Variants in BRCC3 observed in about 807,000 individuals in gnomAD.
BRCC3 encodes the protein lys-63-specific deubiquitinase BRCC36.
In BRCC3, 15 loss-of-function variants were observed where a neutral mutation model predicts 28.0. That is an observed-to-expected ratio of 0.54 (90% CI 0.36 to 0.82). The LOEUF (loss-of-function observed/expected upper bound fraction) is 0.82, where lower values mean the gene tolerates loss of function less well. BRCC3 is among the 40% of genes least tolerant of loss of function. The pLI is 0.01. For synonymous variants in BRCC3, 66 were observed against 80.3 expected, an observed-to-expected ratio of 0.82 and a Z score of 0.95; for missense variants, 109 against 225.9, an observed-to-expected ratio of 0.48 and a Z score of 3.32.
intron 7 of BRCC3, among the ~76,000 whole-genome samples, chrX:155,092,438 T>C (rs1194345874): frequency 8.9e-6 from 1 of 112,079 alleles, no homozygotes; most frequent in African/African-American, 3.2e-5. Context: ...GCTTTGTCTA[T>C]GGTTGATTCT....
intron 5 of BRCC3, among the ~76,000 whole-genome samples, chrX:155,086,701 C>T (rs1382745356): frequency 8.9e-6 from 1 of 111,739 alleles, no homozygotes; most frequent in Admixed American, 9.4e-5. Context: ...ATTCAAAGCA[C>T]GCAGCCTCGT....
intron 7 of BRCC3, among the ~76,000 whole-genome samples, chrX:155,114,443 G>A (rs1320607103): frequency 9.0e-6 from 1 of 110,731 alleles, no homozygotes; most frequent in Non-Finnish European, 1.9e-5. Context: ...ACCAGGGGCC[G>A]GGAGAAGGGA....
intron 5 of BRCC3, among the ~76,000 whole-genome samples, chrX:155,081,053 G>A (rs1397008231): frequency 1.8e-5 from 2 of 111,743 alleles, no homozygotes; most frequent in Non-Finnish European, 3.8e-5. Context: ...TTTACAGGCC[G>A]GGCATAGTGG....
intron 3 of BRCC3, 124 bp downstream of exon 3, chrX:155,073,555 A>C: frequency 1.2e-6 from 1 of 816,301 alleles, no homozygotes; most frequent in Non-Finnish European, 1.7e-6. Flanking sequence ...GTAAAATCAG[A>C]TGAAGAATCT....
At position 155,114,405 on chromosome X, in the gene BRCC3, C is replaced by T. The variant is rs191371856; in HGVS notation, c.549-1652C>T. ...CTATTTATATAAGGTATCTAATGATCATAGATATACAAAGTAGAATGGTGG... is the reference window on the plus strand; with the variant it reads ...CTATTTATATAAGGTATCTAATGATTATAGATATACAAAGTAGAATGGTGG... On this transcript the variant is annotated intron_variant, in intron 7 of 10. Transcript: ENST00000330045. Among the ~76,000 whole-genome samples the T allele has an allele frequency of 2.8e-3, 311 of 110,660 alleles. 2 individuals are homozygous for T. The highest frequency in any genetic ancestry group is 4.0e-3 in the Non-Finnish European group (212 of 52,815).
At chrX:155,097,084 A>G (rs2074214796) in intron 7 of BRCC3, among the ~76,000 whole-genome samples, 1 of 111,386 alleles carries the variant, frequency 9.0e-6, no homozygotes, top group Non-Finnish European at 1.9e-5. Context: ...ACTGCTTGAC[A>G]TTGGTCTTGG....
At position 155,120,102 on chromosome X, in the gene BRCC3, A is replaced by G. The variant is rs781783850; in HGVS notation, c.828A>G (p.Leu276=). The G allele has an allele frequency of 1.7e-6, 2 of 1,210,051 alleles. No individual in the cohort carries two copies. Among genetic ancestry groups the G allele is most frequent in the Admixed American group, 4.3e-5 (2 of 46,079 alleles). ...LEQNQQHLQE[L]QQEKEELMQE... ...AAAACCAACAGCATTTGCAGGAATTACAACAAGAAAAGGAAGAGCTTATGC... is the reference window on the plus strand; with the variant it reads ...AAAACCAACAGCATTTGCAGGAATTGCAACAAGAAAAGGAAGAGCTTATGC... The change falls in exon 10 of 11, where the codon TTA becomes TTG. Residue 276 remains leucine, a synonymous_variant. Transcript: ENST00000330045.
At chrX:155,114,586 A>T (rs782229775) in intron 7 of BRCC3, among the ~76,000 whole-genome samples, 15 of 104,983 alleles carry the variant, frequency 1.4e-4, no homozygotes, top group African/African-American at 4.1e-4. Flanking sequence ...AACCACAATT[A>T]AAAAAAAAAA....
At chrX:155,116,219 TTCTCAGGACCTAGTC>T (rs2074354247) in intron 8 of BRCC3, 31 bp downstream of exon 8, 3 of 1,142,895 alleles carry the variant, frequency 2.6e-6, no homozygotes, top group East Asian at 3.3e-5. Context: ...TCTTCTCTAC[TTCTCAGGACCTAGTC>T]TCTCTTTTCT....
intron 7 of BRCC3, among the ~76,000 whole-genome samples, chrX:155,113,119 CTTTTTTTTTTTTT>C (rs35621321): frequency 1.3e-4 from 4 of 30,834 alleles, no homozygotes; most frequent in South Asian, 4.4e-3. Flanking sequence ...GGCTTGCTTG[CTTTTTTTTTTTTT>C]TTTTTTTTTT....
At chrX:155,105,343 T>C (rs978555141) in intron 7 of BRCC3, among the ~76,000 whole-genome samples, 2 of 111,098 alleles carry the variant, frequency 1.8e-5, no homozygotes, top group Admixed American at 9.5e-5. Flanking sequence ...ATTAGCCAAG[T>C]GTGGTGGCGC....
intron 7 of BRCC3, among the ~76,000 whole-genome samples, chrX:155,100,589 G>A (rs1557296767): frequency 1.8e-5 from 2 of 112,128 alleles, no homozygotes; most frequent in African/African-American, 3.2e-5. Context: ...TGCACTTTTC[G>A]CAATAATGCC....
intron 7 of BRCC3, among the ~76,000 whole-genome samples, chrX:155,103,430 A>G (rs1256579591): frequency 1.1e-4 from 12 of 111,749 alleles, no homozygotes; most frequent in African/African-American, 3.9e-4. Context: ...TTTGAAAGAT[A>G]TTTTCGATGG....
intron 3 of BRCC3, among the ~76,000 whole-genome samples, 195 bp from the exon 4 acceptor site, chrX:155,076,975 A>G (rs1014287773): frequency 1.8e-5 from 2 of 112,020 alleles, no homozygotes; most frequent in East Asian, 2.8e-4. Flanking sequence ...TATATTTTAT[A>G]TTTTTGTGTC....
intron 7 of BRCC3, among the ~76,000 whole-genome samples, chrX:155,105,461 C>T (rs1321234917): frequency 7.2e-5 from 8 of 111,255 alleles, no homozygotes; most frequent in East Asian, 2.8e-4. Context: ...CCAGCCTGGG[C>T]GACAGAGTGA....
chrX:155,072,285 CGTAAT>C (rs1402244027), intron 1 of BRCC3, 37 bp from the exon 2 acceptor site: 3 of 1,149,169 alleles, frequency 2.6e-6, no homozygotes, highest in Non-Finnish European at 3.6e-6. Flanking sequence ...GTCAAACAAA[CGTAAT>C]GTGATCAATA....
At chrX:155,112,827 C>A (rs1488347422) in intron 7 of BRCC3, among the ~76,000 whole-genome samples, 1 of 111,937 alleles carries the variant, frequency 8.9e-6, no homozygotes, top group Non-Finnish European at 1.9e-5. Context: ...AAACCAAAAT[C>A]TATTTTATTT....
chrX:155,103,926 T>C (rs1275785725), intron 7 of BRCC3, among the ~76,000 whole-genome samples: 1 of 111,041 alleles, frequency 9.0e-6, no homozygotes, highest in Non-Finnish European at 1.9e-5. Flanking sequence ...AATGTTAAAT[T>C]TACCATTAAT....
Position 155,075,307 on chromosome X carries a change from T to G in BRCC3, c.196-1863T>G, listed in dbSNP as rs782664714. On this transcript the variant is annotated intron_variant, in intron 3 of 10. Coordinates refer to ENST00000330045, the MANE Select transcript of BRCC3 (RefSeq NM_001018055.3). ...CCACTCTTTCCCCTGGCCCTTCTTG[T>G]TCTTCCCCACACTAAATGTGGCCAC... is the stretch of plus-strand genomic sequence containing the variant. Among the ~76,000 whole-genome samples, 173 of 53,229 alleles carry G rather than the reference T, an allele frequency of 3.3e-3. 1 individual carries two copies. The African/African-American group carries it at 0.052, about 16-fold the overall frequency. 46.2% of individuals were successfully genotyped at this position (53,229 alleles called of 115,157 possible).
Sources: gnomAD v4.1 joint callset for allele counts (sites outside exome capture counted in the v4.1 genomes callset) on GRCh38, gnomAD v4.1.1 for gene constraint, MANE v1.5 for transcripts, NCBI Gene and HGNC (gene_info 2026-07-23, HGNC 2026-07-21) for gene names.